The following GPC6 variants were observed in gnomAD, a reference collection of about 807,000 sequenced individuals.
GPC6 encodes glypican-6.
Under a neutral mutation model 55.2 loss-of-function variants are expected in GPC6, and 14 were observed. The observed-to-expected ratio is 0.25, with a 90% CI of 0.17 to 0.40. GPC6 has a LOEUF of 0.40. Ranked by LOEUF, GPC6 falls within the 10% of genes least tolerant of loss-of-function variation. GPC6 has a pLI of 1.00. For missense variants in GPC6, 641 were observed against 708.5 expected (o/e 0.90, Z 1.08); for synonymous variants, 278 against 259.6 (o/e 1.07, Z -0.68).
chr13:93,955,757 G>GT (rs1359310474), intron 3 of GPC6, among the ~76,000 whole-genome samples: 2 of 152,114 alleles, frequency 1.3e-5, no homozygotes, highest in Non-Finnish European at 2.9e-5. Flanking sequence ...TAGGGTAACT[G>GT]TTTTACTCTT....
At chr13:94,136,308 G>T (rs1887182957) in intron 4 of GPC6, among the ~76,000 whole-genome samples, 1 of 151,948 alleles carries the variant, frequency 6.6e-6, no homozygotes, top group African/African-American at 2.4e-5. Flanking sequence ...GGAGCTGCAA[G>T]CAGTTCCTAG....
intron 4 of GPC6, among the ~76,000 whole-genome samples, chr13:94,110,207 A>G (rs1168347889): frequency 6.6e-6 from 1 of 151,938 alleles, no homozygotes; most frequent in Non-Finnish European, 1.5e-5. Flanking sequence ...TTATTCAGAT[A>G]TTTGGGGTGA....
intron 1 of GPC6, among the ~76,000 whole-genome samples, chr13:93,475,401 T>C (rs765234286): frequency 1.4e-5 from 1 of 72,696 alleles, no homozygotes; most frequent in African/African-American, 5.1e-5. Context: ...TGAAACTGTA[T>C]GATAGTACCT....
At chr13:93,843,381 G>A (rs1284306351) in intron 3 of GPC6, among the ~76,000 whole-genome samples, 1 of 152,024 alleles carries the variant, frequency 6.6e-6, no homozygotes, top group Non-Finnish European at 1.5e-5. Context: ...ACTCCACATA[G>A]TTCCATAACT....
intron 3 of GPC6, among the ~76,000 whole-genome samples, chr13:94,012,669 A>G (rs1171941667): frequency 6.6e-6 from 1 of 152,214 alleles, no homozygotes; most frequent in East Asian, 1.9e-4. Context: ...TATGCCAGCT[A>G]CTTACACTAG....
chr13:93,474,822 A>AT (rs1879247452), intron 1 of GPC6, among the ~76,000 whole-genome samples: 1 of 151,960 alleles, frequency 6.6e-6, no homozygotes, highest in South Asian at 2.1e-4. Flanking sequence ...TTTTTATTCC[A>AT]TTTTTTAAAG....
chr13:93,217,791 T>C, the GPC6 span, among the ~76,000 whole-genome samples: 3 of 152,308 alleles, frequency 2.0e-5, no homozygotes, highest in South Asian at 6.2e-4. Flanking sequence ...CGGTACATGT[T>C]TGTTTCCCAG....
intron 1 of GPC6, among the ~76,000 whole-genome samples, chr13:93,506,880 A>G (rs1880740120): frequency 9.5e-6 from 1 of 105,040 alleles, no homozygotes; most frequent in Non-Finnish European, 1.9e-5. Flanking sequence ...CTCTACTAAA[A>G]AAAAAAGAAA....
At chr13:93,798,043 C>T (rs761849623) in intron 2 of GPC6, among the ~76,000 whole-genome samples, 10 of 152,084 alleles carry the variant, frequency 6.6e-5, no homozygotes, top group Non-Finnish European at 1.3e-4. Flanking sequence ...TTGGTTTGTA[C>T]TTCCCTGAAG....
At chr13:93,572,224 A>G (rs568806164) in intron 2 of GPC6, among the ~76,000 whole-genome samples, 83 of 152,300 alleles carry the variant, frequency 5.4e-4, no homozygotes, top group Non-Finnish European at 1.1e-3. Flanking sequence ...ACTAAAGGAT[A>G]TAGGTTGGGA....
intron 1 of GPC6, among the ~76,000 whole-genome samples, chr13:93,441,380 C>A (rs546262791): frequency 6.6e-6 from 1 of 151,826 alleles, no homozygotes; most frequent in Admixed American, 6.6e-5. Flanking sequence ...TTTTAATGAT[C>A]CCCATTCTAA....
At chr13:93,667,735 G>GTTTTTTTTTTTTTTTTTT (rs71126408) in intron 2 of GPC6, among the ~76,000 whole-genome samples, 3 of 123,162 alleles carry the variant, frequency 2.4e-5, no homozygotes, top group African/African-American at 7.4e-5. Context: ...GCCAGGACTT[G>GTTTTTTTTTTTTTTTTTT]TTTTTTTTTT....
At chr13:93,285,684 A>G (rs1379724730) in intron 1 of GPC6, among the ~76,000 whole-genome samples, 1 of 147,240 alleles carries the variant, frequency 6.8e-6, no homozygotes, top group African/African-American at 2.5e-5. Flanking sequence ...TGGCAGTCAA[A>G]CAACAGTAAT....
At chr13:93,483,693 T>A (rs544759043) in intron 1 of GPC6, among the ~76,000 whole-genome samples, 1 of 152,300 alleles carries the variant, frequency 6.6e-6, no homozygotes, top group South Asian at 2.1e-4. Flanking sequence ...TAATGTTTAG[T>A]CATATGTGGT....
At chr13:94,390,535 C>A (rs1405918361) in intron 7 of GPC6, among the ~76,000 whole-genome samples, 4 of 152,078 alleles carry the variant, frequency 2.6e-5, no homozygotes, top group Non-Finnish European at 5.9e-5. Context: ...ATGGCTGGAG[C>A]AGGAGGAAGA....
upstream of GPC6, among the ~76,000 whole-genome samples, chr13:93,225,508 GTT>G (rs66479937): frequency 3.3e-4 from 50 of 151,156 alleles, no homozygotes; most frequent in African/African-American, 1.0e-3. Context: ...GTTTTGTTTT[GTT>G]TTTTTTTTTT....
chr13:94,090,065 G>C (rs1885425686), intron 4 of GPC6, among the ~76,000 whole-genome samples: 1 of 96,524 alleles, frequency 1.0e-5, no homozygotes, highest in Non-Finnish European at 2.1e-5. Context: ...AAATACCCAA[G>C]ACTGGGTAAT....
At chr13:93,247,947 CA>C (rs1210000983) in intron 1 of GPC6, among the ~76,000 whole-genome samples, 1 of 151,978 alleles carries the variant, frequency 6.6e-6, no homozygotes, top group Non-Finnish European at 1.5e-5. Flanking sequence ...ATATTCAGAC[CA>C]AAAAACATGA....
chr13:93,538,866 T>G (rs1311730279), intron 1 of GPC6, among the ~76,000 whole-genome samples: 4 of 152,224 alleles, frequency 2.6e-5, no homozygotes, highest in African/African-American at 9.6e-5. Flanking sequence ...CCACTGAATG[T>G]TCTATTTTTT....
Sources: allele counts gnomAD v4.1 joint callset (sites outside exome capture counted in the v4.1 genomes callset), GRCh38; gene constraint gnomAD v4.1.1; transcripts MANE v1.5; gene names NCBI Gene and HGNC (gene_info 2026-07-23, HGNC 2026-07-21).